DLGAP1: variants seen among roughly 807,000 people sequenced by gnomAD.
DLGAP1 encodes disks large-associated protein 1.
A neutral mutation model predicts 90.8 loss-of-function variants in DLGAP1; 11 were observed. The ratio of observed to expected loss-of-function variants is 0.12; its 90% CI spans 0.08 to 0.20. The LOEUF is 0.20. Among genes scored for constraint, DLGAP1 ranks in the 10% least tolerant of loss-of-function variants. DLGAP1 has a pLI of 1.00. For synonymous variants in DLGAP1, 558 were observed against 540.7 expected, an observed-to-expected ratio of 1.03 and a Z score of -0.44; for missense variants, 1,050 against 1,333.8, an observed-to-expected ratio of 0.79 and a Z score of 3.31.
intron 2 of DLGAP1, among the ~76,000 whole-genome samples, chr18:4,021,941 A>G (rs191468357): frequency 6.6e-6 from 1 of 152,314 alleles, no homozygotes; most frequent in East Asian, 1.9e-4. Context: ...AGACTAACAC[A>G]GAACTCAAAT....
intron 4 of DLGAP1, among the ~76,000 whole-genome samples, chr18:3,826,807 G>C (rs1257191321): frequency 2.0e-5 from 3 of 152,158 alleles, no homozygotes; most frequent in Non-Finnish European, 4.4e-5. Flanking sequence ...AATGGCTCAA[G>C]GGCAACAAGA....
intron 7 of DLGAP1, among the ~76,000 whole-genome samples, chr18:3,638,242 C>T (rs10468746): frequency 0.017 from 2,297 of 139,208 alleles, 67 homozygotes; most frequent in African/African-American, 0.058. Flanking sequence ...CCACCGTGCC[C>T]GGCCCTTTTT....
chr18:4,336,449 GAA>G, intron 1 of DLGAP1, among the ~76,000 whole-genome samples: 1 of 152,234 alleles, frequency 6.6e-6, no homozygotes. Context: ...AAGAAAGAAT[GAA>G]AGAGAGGCAA....
chr18:3,749,112 C>G (rs953832780), intron 5 of DLGAP1, among the ~76,000 whole-genome samples: 2 of 150,438 alleles, frequency 1.3e-5, no homozygotes, highest in Non-Finnish European at 3.0e-5. Context: ...TCTCCTTCTC[C>G]TCCTCCTCCT....
chr18:4,189,012 A>C (rs1001579260), intron 1 of DLGAP1, among the ~76,000 whole-genome samples: 1 of 152,082 alleles, frequency 6.6e-6, no homozygotes, highest in African/African-American at 2.4e-5. Context: ...CATCTGTCTC[A>C]CTGTAAAAAC....
intron 3 of DLGAP1, among the ~76,000 whole-genome samples, chr18:3,987,771 G>T (rs2073872374): frequency 6.6e-6 from 1 of 151,958 alleles, no homozygotes; most frequent in African/African-American, 2.4e-5. Flanking sequence ...ATATTTTAAA[G>T]AGCGTTTTGT....
At chr18:3,798,725 AC>A (rs2066139381) in intron 5 of DLGAP1, among the ~76,000 whole-genome samples, 1 of 152,228 alleles carries the variant, frequency 6.6e-6, no homozygotes, top group Non-Finnish European at 1.5e-5. Flanking sequence ...GTATATGCTT[AC>A]TGTATAGGGC....
chr18:3,995,333 G>A (rs2074047142), intron 3 of DLGAP1: 3 of 152,192 alleles, frequency 2.0e-5, no homozygotes, highest in Admixed American at 2.0e-4. Context: ...GTGGATACAA[G>A]TGAAGGTTAA....
intron 2 of DLGAP1, among the ~76,000 whole-genome samples, chr18:4,123,294 G>A (rs1190423513): frequency 6.6e-6 from 1 of 152,056 alleles, no homozygotes. Context: ...AGGAGAAAGG[G>A]GGATCAGTTT....
chr18:3,842,322 G>A (rs1387158588), intron 4 of DLGAP1, among the ~76,000 whole-genome samples: 4 of 152,162 alleles, frequency 2.6e-5, no homozygotes, highest in African/African-American at 9.7e-5. Flanking sequence ...TACTCTCTAA[G>A]TCATGTTTAA....
chr18:3,797,890 T>C (rs1002532280), intron 5 of DLGAP1, among the ~76,000 whole-genome samples: 3 of 152,188 alleles, frequency 2.0e-5, no homozygotes, highest in African/African-American at 7.2e-5. Context: ...TAGAAGATAA[T>C]TGAATCATGA....
chr18:3,544,295 G>T (rs941335843), intron 9 of DLGAP1, among the ~76,000 whole-genome samples: 1 of 152,136 alleles, frequency 6.6e-6, no homozygotes, highest in Non-Finnish European at 1.5e-5. Context: ...AGGCTGAGGC[G>T]CGAGATTGCT....
intron 2 of DLGAP1, among the ~76,000 whole-genome samples, chr18:4,146,920 C>T (rs1172231159): frequency 2.0e-5 from 3 of 151,958 alleles, no homozygotes; most frequent in African/African-American, 7.3e-5. Context: ...AGGCATTGAG[C>T]CCAATTTCTG....
intron 3 of DLGAP1, among the ~76,000 whole-genome samples, chr18:3,882,532 A>AC (rs1444977116): frequency 6.6e-6 from 1 of 151,846 alleles, no homozygotes; most frequent in African/African-American, 2.4e-5. Context: ...GTCTCAAAAA[A>AC]AAAAAAAAAA....
chr18:4,240,137 G>A (rs1175965441), intron 1 of DLGAP1, among the ~76,000 whole-genome samples: 1 of 152,082 alleles, frequency 6.6e-6, no homozygotes, highest in African/African-American at 2.4e-5. Context: ...TCAAATAGTT[G>A]TTTTTAATAG....
intron 1 of DLGAP1, among the ~76,000 whole-genome samples, chr18:4,269,516 G>A (rs535830771): frequency 6.6e-6 from 1 of 151,706 alleles, no homozygotes; most frequent in Admixed American, 6.6e-5. Context: ...ACCATGCGCG[G>A]CTAATTTTTG....
chr18:3,675,321 G>A (rs12958656), intron 7 of DLGAP1, among the ~76,000 whole-genome samples: 7,914 of 152,002 alleles, frequency 0.052, 364 homozygotes, highest in East Asian at 0.26. Flanking sequence ...GTAATCCGCC[G>A]GCCTCAGCCT....
intron 1 of DLGAP1, among the ~76,000 whole-genome samples, chr18:4,195,743 G>A (rs2144766535): frequency 6.6e-6 from 1 of 152,244 alleles, no homozygotes; most frequent in East Asian, 1.9e-4. Context: ...AGTAGAGACA[G>A]TGTTTGTCCA....
At chr18:3,867,682 G>A (rs1328246736) in intron 4 of DLGAP1, among the ~76,000 whole-genome samples, 1 of 152,174 alleles carries the variant, frequency 6.6e-6, no homozygotes, top group Non-Finnish European at 1.5e-5. Context: ...AGGAGAAATG[G>A]GGATGGGGAA....
Sources: allele counts gnomAD v4.1 joint callset (sites outside exome capture counted in the v4.1 genomes callset), GRCh38; gene constraint gnomAD v4.1.1; transcripts MANE v1.5; gene names NCBI Gene and HGNC (gene_info 2026-07-23, HGNC 2026-07-21).